DLG2: variants seen among roughly 807,000 people sequenced by gnomAD.
The protein encoded by DLG2 is discs large MAGUK scaffold protein 2.
In DLG2, 45 loss-of-function variants were observed where a neutral mutation model predicts 132.5. The ratio of observed to expected loss-of-function variants is 0.34; its 90% CI spans 0.27 to 0.44. The LOEUF (loss-of-function observed/expected upper bound fraction) is 0.44, where lower values mean the gene tolerates loss of function less well. Ranked by LOEUF, DLG2 falls within the 20% of genes least tolerant of loss-of-function variation. The probability of loss-of-function intolerance (pLI) is 1.00; values close to 1 mark genes in which losing one functional copy is unlikely to be tolerated. For missense variants in DLG2, 1,045 were observed against 1,196.9 expected (o/e 0.87, Z 1.87); for synonymous variants, 424 against 419.6 (o/e 1.01, Z -0.13).
chr11:83,638,516 C>G (rs565364757), intron 18 of DLG2, among the ~76,000 whole-genome samples: 39 of 152,308 alleles, frequency 2.6e-4, no homozygotes, highest in African/African-American at 7.2e-4. Context: ...TCTATTACTT[C>G]TGTGTGTAAT....
intron 7 of DLG2, among the ~76,000 whole-genome samples, chr11:84,493,947 C>T (rs1423880858): frequency 6.6e-6 from 1 of 152,060 alleles, no homozygotes; most frequent in Admixed American, 6.6e-5. Flanking sequence ...TTTTTAAGAG[C>T]TTTGTCATAG....
At chr11:85,216,729 C>T (rs1174178004) in intron 4 of DLG2, among the ~76,000 whole-genome samples, 1 of 151,912 alleles carries the variant, frequency 6.6e-6, no homozygotes, top group Admixed American at 6.5e-5. Flanking sequence ...CAGAGTCTCA[C>T]TCTGTCACCC....
chr11:83,518,023 G>A (rs1034125666), intron 21 of DLG2, among the ~76,000 whole-genome samples: 1 of 152,154 alleles, frequency 6.6e-6, no homozygotes, highest in African/African-American at 2.4e-5. Flanking sequence ...GTGCATGCTG[G>A]GAGAACCACT....
At chr11:83,563,620 G>T (rs573119993) in intron 19 of DLG2, among the ~76,000 whole-genome samples, 2 of 152,294 alleles carry the variant, frequency 1.3e-5, no homozygotes, top group Non-Finnish European at 1.5e-5. Context: ...TGGGTCCTCT[G>T]CTAAGTACTT....
At chr11:84,686,912 A>G (rs1429301041) in intron 6 of DLG2, 2 of 152,134 alleles carry the variant, frequency 1.3e-5, no homozygotes, top group African/African-American at 4.8e-5. Context: ...ACAGGCCTGC[A>G]GTGGTTCCAG....
intron 9 of DLG2, among the ~76,000 whole-genome samples, chr11:84,162,261 A>G (rs2095562887): frequency 1.3e-5 from 2 of 152,092 alleles, no homozygotes; most frequent in South Asian, 2.1e-4. Flanking sequence ...GGAGTTAGCC[A>G]CCAACATGTG....
chr11:84,950,669 T>C (rs2050796401), intron 6 of DLG2, among the ~76,000 whole-genome samples: 1 of 152,264 alleles, frequency 6.6e-6, no homozygotes, highest in African/African-American at 2.4e-5. Context: ...GTTTCTTTGC[T>C]CTTGCTCCTT....
intron 7 of DLG2, among the ~76,000 whole-genome samples, chr11:84,487,292 A>G (rs2099153537): frequency 6.6e-6 from 1 of 152,146 alleles, no homozygotes; most frequent in African/African-American, 2.4e-5. Flanking sequence ...TGTTTATAAA[A>G]TTATCATTAA....
At chr11:85,222,076 C>T (rs1401581592) in intron 4 of DLG2, among the ~76,000 whole-genome samples, 1 of 151,972 alleles carries the variant, frequency 6.6e-6, no homozygotes, top group African/African-American at 2.4e-5. Context: ...GTAGATGGGA[C>T]TACAGGTGTG....
chr11:85,010,017 A>G (rs187666530), intron 6 of DLG2, among the ~76,000 whole-genome samples: 133 of 152,196 alleles, frequency 8.7e-4, no homozygotes, highest in African/African-American at 3.2e-3. Flanking sequence ...CACACTATGA[A>G]CCTAGCCATT....
intron 6 of DLG2, among the ~76,000 whole-genome samples, chr11:84,804,383 G>A (rs1364224809): frequency 6.6e-6 from 1 of 152,146 alleles, no homozygotes; most frequent in Admixed American, 6.5e-5. Context: ...GAAAACCCAC[G>A]TACTTCCACT....
intron 18 of DLG2, among the ~76,000 whole-genome samples, chr11:83,697,178 A>C (rs1220883673): frequency 6.6e-6 from 1 of 152,214 alleles, no homozygotes; most frequent in Non-Finnish European, 1.5e-5. Flanking sequence ...TCTACCTAAC[A>C]ATTCAAAGTG....
At chr11:85,289,914 A>G (rs1304160366) in intron 3 of DLG2, among the ~76,000 whole-genome samples, 2 of 152,148 alleles carry the variant, frequency 1.3e-5, no homozygotes, top group African/African-American at 4.8e-5. Flanking sequence ...TTTCAGCCTT[A>G]TAGTAGAAAT....
At chr11:84,565,063 T>C (rs554156110) in intron 6 of DLG2, among the ~76,000 whole-genome samples, 14 of 152,194 alleles carry the variant, frequency 9.2e-5, no homozygotes, top group Non-Finnish European at 1.8e-4. Context: ...TCCTTCCTGA[T>C]ATATTCATCA....
chr11:83,643,502 C>A (rs2067197999), intron 18 of DLG2: 1 of 152,086 alleles, frequency 6.6e-6, no homozygotes, highest in African/African-American at 2.4e-5. Flanking sequence ...AGGCATAGTA[C>A]CTAAGACTGC....
At chr11:85,446,324 G>A (rs1158793316) in intron 3 of DLG2, among the ~76,000 whole-genome samples, 6 of 152,118 alleles carry the variant, frequency 3.9e-5, no homozygotes, top group Admixed American at 2.0e-4. Flanking sequence ...AAGAATAACA[G>A]TGCCATTTGT....
chr11:83,805,973 C>T (rs571327672), intron 17 of DLG2, among the ~76,000 whole-genome samples: 25 of 152,220 alleles, frequency 1.6e-4, no homozygotes, highest in Non-Finnish European at 3.2e-4. Context: ...CTACATTACA[C>T]GCCTCCTCTC....
intron 6 of DLG2, among the ~76,000 whole-genome samples, chr11:85,001,226 T>A (rs1190172488): frequency 2.6e-5 from 4 of 151,994 alleles, no homozygotes; most frequent in Non-Finnish European, 5.9e-5. Context: ...CTTGAGTAAC[T>A]GGGACCACAG....
chr11:83,807,046 T>G (rs2046091081), intron 17 of DLG2, among the ~76,000 whole-genome samples: 1 of 152,104 alleles, frequency 6.6e-6, no homozygotes, highest in Non-Finnish European at 1.5e-5. Context: ...GCATTACTGA[T>G]TTCAAAAAAT....
Sources: allele counts gnomAD v4.1 joint callset (sites outside exome capture counted in the v4.1 genomes callset), GRCh38; gene constraint gnomAD v4.1.1; transcripts MANE v1.5; gene names NCBI Gene and HGNC (gene_info 2026-07-23, HGNC 2026-07-21).